Variants in RASAL2 observed in about 807,000 individuals in gnomAD.
The protein encoded by RASAL2 is RAS protein activator like 2.
A neutral mutation model predicts 128.9 loss-of-function variants in RASAL2; 58 were observed. The observed-to-expected ratio is 0.45, with a 90% CI of 0.36 to 0.56. The LOEUF (loss-of-function observed/expected upper bound fraction) is 0.56, where lower values mean the gene tolerates loss of function less well. Ranked by LOEUF, RASAL2 falls within the 20% of genes least tolerant of loss-of-function variation. The pLI, the probability that RASAL2 is intolerant of heterozygous loss-of-function variation, is 0.00. For synonymous variants in RASAL2, 561 were observed against 580.8 expected (o/e 0.97, Z 0.49); for missense variants, 1,360 against 1,601.6 (o/e 0.85, Z 2.57).
intron 14 of RASAL2, among the ~76,000 whole-genome samples, chr1:178,460,104 A>T (rs1678072266): frequency 6.6e-6 from 1 of 152,162 alleles, no homozygotes. Flanking sequence ...AAAAATACAT[A>T]ATTTTAGAAA....
At chr1:178,420,279 A>C (rs1022483229) in intron 4 of RASAL2, among the ~76,000 whole-genome samples, 2 of 152,238 alleles carry the variant, frequency 1.3e-5, no homozygotes, top group African/African-American at 4.8e-5. Flanking sequence ...ATAAATAATA[A>C]ATTAGGTGCT....
intron 9 of RASAL2, among the ~76,000 whole-genome samples, chr1:178,450,810 A>T (rs1677319649): frequency 6.6e-6 from 1 of 152,162 alleles, no homozygotes; most frequent in Admixed American, 6.5e-5. Context: ...ACATGAATAA[A>T]ACCTAGTACC....
At chr1:178,362,466 C>G (rs1271403309) in intron 3 of RASAL2, among the ~76,000 whole-genome samples, 2 of 150,926 alleles carry the variant, frequency 1.3e-5, no homozygotes, top group Non-Finnish European at 3.0e-5. Context: ...CTCTCCCTCC[C>G]TCCCTCCCTC....
intron 3 of RASAL2, among the ~76,000 whole-genome samples, chr1:178,349,258 T>TAAA (rs1163062770): frequency 9.0e-6 from 1 of 110,796 alleles, no homozygotes. Flanking sequence ...GTCTCTACTT[T>TAAA]AAAAAAAAAA....
chr1:178,280,851 AG>A (rs1392405000), intron 1 of RASAL2, among the ~76,000 whole-genome samples: 1 of 152,066 alleles, frequency 6.6e-6, no homozygotes, highest in African/African-American at 2.4e-5. Flanking sequence ...AGAAATTAAA[AG>A]TAAGTCACTA....
chr1:178,199,842 C>A lies in RASAL2; in HGVS notation c.203-83722C>A, dbSNP rs143626664. ...TTTTGAGTCAGTGGACTGAGAGAGG[C>A]AGACCAACCCTCAATCTGGGTGGGC... On this transcript the variant is annotated intron_variant, in intron 1 of 17. Coordinates refer to ENST00000367649, the MANE Select transcript of RASAL2 (RefSeq NM_170692.4). Among the ~76,000 whole-genome samples, 307 of 152,274 alleles carry A rather than the reference C, an allele frequency of 2.0e-3. 3 individuals are homozygous for A. Among genetic ancestry groups the A allele is most frequent in the African/African-American group, 7.1e-3 (297 of 41,560 alleles).
chr1:178,243,919 T>C (rs1198100839), intron 1 of RASAL2, among the ~76,000 whole-genome samples: 1 of 151,930 alleles, frequency 6.6e-6, no homozygotes, highest in Non-Finnish European at 1.5e-5. Context: ...GTTATTCATA[T>C]CATTTTCATT....
At chr1:178,182,802 A>G (rs977806944) in intron 1 of RASAL2, among the ~76,000 whole-genome samples, 6 of 144,126 alleles carry the variant, frequency 4.2e-5, no homozygotes, top group Non-Finnish European at 9.0e-5. Flanking sequence ...CTAGAGCAGC[A>G]GTCCCCAACC....
At chr1:178,412,994 TTC>T (rs1359192676) in intron 4 of RASAL2, among the ~76,000 whole-genome samples, 1 of 151,990 alleles carries the variant, frequency 6.6e-6, no homozygotes, top group African/African-American at 2.4e-5. Context: ...TTTTCTTTCT[TTC>T]TCTTTCTTTC....
intron 1 of RASAL2, among the ~76,000 whole-genome samples, chr1:178,134,348 C>T (rs1381390757): frequency 6.6e-6 from 1 of 151,028 alleles, no homozygotes; most frequent in Non-Finnish European, 1.5e-5. Flanking sequence ...GTCCCAGCTA[C>T]TTGGGAAGCT....
chr1:178,176,752 C>T (rs2101921104), intron 1 of RASAL2, among the ~76,000 whole-genome samples: 1 of 152,050 alleles, frequency 6.6e-6, no homozygotes, highest in South Asian at 2.1e-4. Flanking sequence ...CTCAAGTGAT[C>T]CTCCCAGCTT....
In RASAL2 at chr1:178,402,391, G is replaced by A. The variant is rs183405034; in HGVS notation, c.564+12185G>A. ...TGCACTCCAGCCTGGGCGACAGAGC[G>A]AGACTTCATCTAAAAAAAAAAAAGG... On this transcript the variant is annotated intron_variant, in intron 4 of 17. Transcript: ENST00000367649. 7.0e-4 allele frequency among the ~76,000 whole-genome samples: 106 copies of A among 151,152 alleles called. 4 individuals carry two copies. The East Asian group carries it at 0.018, about 26-fold the overall frequency.
chr1:178,305,750 T>A (rs1667954756), intron 3 of RASAL2, among the ~76,000 whole-genome samples: 1 of 152,162 alleles, frequency 6.6e-6, no homozygotes, highest in Non-Finnish European at 1.5e-5. Context: ...AGGTACAGAC[T>A]ACAGATACAA....
intron 5 of RASAL2, among the ~76,000 whole-genome samples, chr1:178,424,312 G>A (rs769953143): frequency 2.7e-5 from 4 of 150,820 alleles, no homozygotes; most frequent in African/African-American, 7.3e-5. Context: ...GCACAATCTC[G>A]GCTCATTGCA....
At chr1:178,355,974 G>T (rs967861030) in intron 3 of RASAL2, among the ~76,000 whole-genome samples, 1 of 152,142 alleles carries the variant, frequency 6.6e-6, no homozygotes, top group Non-Finnish European at 1.5e-5. Context: ...TTCAAGATCA[G>T]CCTGGCCAGG....
chr1:178,129,970 G>A (rs1660041975), intron 1 of RASAL2, among the ~76,000 whole-genome samples: 1 of 152,050 alleles, frequency 6.6e-6, no homozygotes, highest in Non-Finnish European at 1.5e-5. Flanking sequence ...GGACTCATTG[G>A]CCAGATTTAT....
chr1:178,459,158 T>C (rs989147629), intron 14 of RASAL2, among the ~76,000 whole-genome samples: 44 of 152,292 alleles, frequency 2.9e-4, no homozygotes, highest in African/African-American at 1.0e-3. Flanking sequence ...TACATTTCTA[T>C]TTACATGGAC....
At chr1:178,094,756 T>C in intron 1 of RASAL2, 62 bp downstream of exon 1, 1 of 1,587,790 alleles carries the variant, frequency 6.3e-7, no homozygotes, top group South Asian at 1.1e-5. Flanking sequence ...CTGAAATTCA[T>C]TCCCTAAGTC....
chr1:178,358,989 A>G (rs935240412), intron 3 of RASAL2, among the ~76,000 whole-genome samples: 2 of 152,230 alleles, frequency 1.3e-5, no homozygotes, highest in African/African-American at 4.8e-5. Flanking sequence ...AGTCAAATAA[A>G]CTACAGCAAA....
Sources: gnomAD v4.1 joint callset for allele counts (sites outside exome capture counted in the v4.1 genomes callset) on GRCh38, gnomAD v4.1.1 for gene constraint, MANE v1.5 for transcripts, NCBI Gene and HGNC (gene_info 2026-07-23, HGNC 2026-07-21) for gene names.